Variants in PEAK1 observed in about 807,000 individuals in gnomAD.
The protein encoded by PEAK1 is pseudopodium enriched atypical kinase 1.
A neutral mutation model predicts 124.7 loss-of-function variants in PEAK1; 54 were observed. The observed-to-expected ratio is 0.43, with a 90% confidence interval of 0.35 to 0.54. The LOEUF (loss-of-function observed/expected upper bound fraction) is 0.54. Ranked by LOEUF, PEAK1 falls within the 20% of genes least tolerant of loss-of-function variation. PEAK1 has a pLI of 0.01. For synonymous variants in PEAK1, 719 were observed against 760.0 expected (o/e 0.95, Z 0.89); for missense variants, 2,046 against 2,134.5 (o/e 0.96, Z 0.82).
intron 2 of PEAK1, among the ~76,000 whole-genome samples, chr15:77,320,515 A>G (rs2065134870): frequency 1.3e-5 from 2 of 152,212 alleles, no homozygotes; most frequent in African/African-American, 4.8e-5. Context: ...AAAATAAAAT[A>G]GAATATCCAC....
intron 5 of PEAK1, among the ~76,000 whole-genome samples, chr15:77,263,981 T>C (rs533233557): frequency 1.7e-3 from 255 of 152,238 alleles, no homozygotes; most frequent in Middle Eastern, 0.014. Context: ...TAATCCAGCA[T>C]ATAAACAGAA....
At chr15:77,227,375 A>G (rs922568175) in intron 6 of PEAK1, among the ~76,000 whole-genome samples, 2 of 152,178 alleles carry the variant, frequency 1.3e-5, no homozygotes, top group South Asian at 2.1e-4. Flanking sequence ...TAGGAAGATC[A>G]AACAGGGGCT....
intron 6 of PEAK1, among the ~76,000 whole-genome samples, chr15:77,250,816 G>A (rs2060845012): frequency 6.6e-6 from 1 of 152,106 alleles, no homozygotes; most frequent in African/African-American, 2.4e-5. Flanking sequence ...TGATCCGCCT[G>A]CCTTGGCCTC....
chr15:77,275,652 G>T (rs1365129587), intron 5 of PEAK1, among the ~76,000 whole-genome samples: 1 of 151,826 alleles, frequency 6.6e-6, no homozygotes, highest in Non-Finnish European at 1.5e-5. Context: ...GGAGACGGAG[G>T]TTGCAGTCAG....
intron 7 of PEAK1, among the ~76,000 whole-genome samples, chr15:77,167,026 T>C (rs2056150294): frequency 6.6e-6 from 1 of 152,216 alleles, no homozygotes; most frequent in Non-Finnish European, 1.5e-5. Context: ...TCTGCATTTA[T>C]ATACTCCAGG....
chr15:77,111,559 A>T lies in PEAK1; in HGVS notation c.*2597T>A, dbSNP rs2050976821. On this transcript the variant is annotated 3_prime_UTR_variant, in exon 10 of 10. Coordinates refer to ENST00000682557, the MANE Select transcript of PEAK1 (RefSeq NM_001385026.1). Reference sequence around the variant, plus strand: ...GCTTTTCTCTGGCTAGTTTGCATTCATCTTTTGCCCTTAACAAATCTGAAT... The same window carrying T: ...GCTTTTCTCTGGCTAGTTTGCATTCTTCTTTTGCCCTTAACAAATCTGAAT... The T allele has an allele frequency of 6.6e-6, 1 of 152,214 alleles. No individual in the cohort carries two copies. The highest frequency in any genetic ancestry group is 1.5e-5 in the Non-Finnish European group (1 of 68,038). The allele number at this position is 152,214 out of a possible 1,614,324, so 9.4% of individuals were successfully genotyped here.
chr15:77,264,782 AGCCC>A (rs1355269274), intron 5 of PEAK1, among the ~76,000 whole-genome samples: 1 of 152,128 alleles, frequency 6.6e-6, no homozygotes, highest in Non-Finnish European at 1.5e-5. Context: ...ACCAAAAAAG[AGCCC>A]GCATCGCCAA....
intron 2 of PEAK1, among the ~76,000 whole-genome samples, chr15:77,314,073 CT>C (rs2064712168): frequency 6.6e-6 from 1 of 152,052 alleles, no homozygotes; most frequent in African/African-American, 2.4e-5. Flanking sequence ...CCTTTCAAAA[CT>C]TGTGTCACTG....
At chr15:77,258,936 G>A (rs887431208) in intron 5 of PEAK1, among the ~76,000 whole-genome samples, 3 of 151,138 alleles carry the variant, frequency 2.0e-5, no homozygotes, top group African/African-American at 7.4e-5. Flanking sequence ...TTAGCATGAA[G>A]GGTTGTTGAA....
intron 1 of PEAK1, among the ~76,000 whole-genome samples, chr15:77,413,773 T>C (rs1696680554): frequency 6.6e-6 from 1 of 150,758 alleles, no homozygotes; most frequent in South Asian, 2.1e-4. Context: ...ACCATGGTTA[T>C]GTAGGATGTT....
chr15:77,267,642 T>G (rs1485754402), intron 5 of PEAK1, among the ~76,000 whole-genome samples: 1 of 152,080 alleles, frequency 6.6e-6, no homozygotes. Flanking sequence ...TCTCAGAAAT[T>G]CCCATCCCTA....
intron 2 of PEAK1, among the ~76,000 whole-genome samples, chr15:77,287,858 A>G (rs2063007605): frequency 6.6e-6 from 1 of 152,196 alleles, no homozygotes; most frequent in South Asian, 2.1e-4. Flanking sequence ...TCTCAAGCTA[A>G]AAGTTGGGCA....
chr15:77,316,889 C>T (rs774595890), intron 2 of PEAK1, among the ~76,000 whole-genome samples: 4 of 151,992 alleles, frequency 2.6e-5, no homozygotes, highest in Admixed American at 6.6e-5. Context: ...ACCTGCCTGG[C>T]CGACATGGCA....
chr15:77,139,701 T>C (rs1036420708), intron 8 of PEAK1, among the ~76,000 whole-genome samples: 8 of 152,312 alleles, frequency 5.3e-5, no homozygotes, highest in Admixed American at 5.2e-4. Context: ...TACAGCAATA[T>C]ATATTGCAAA....
chr15:77,164,198 C>A (rs1042928298), intron 7 of PEAK1, among the ~76,000 whole-genome samples: 2 of 152,222 alleles, frequency 1.3e-5, no homozygotes, highest in Non-Finnish European at 2.9e-5. Flanking sequence ...CATTGACATT[C>A]TCAGATAGAG....
intron 7 of PEAK1, 136 bp from the exon 8 acceptor site, chr15:77,158,832 A>C: frequency 2.5e-6 from 2 of 789,632 alleles, no homozygotes; most frequent in Non-Finnish European, 4.0e-6. Context: ...AACACAAGGC[A>C]GTACTTCATT....
intron 2 of PEAK1, chr15:77,330,867 C>A (rs2065852051): frequency 5.1e-6 from 1 of 196,806 alleles, no homozygotes; most frequent in African/African-American, 2.4e-5. Context: ...ATGTAAGTTC[C>A]ATGAAGGCAA....
intron 8 of PEAK1, among the ~76,000 whole-genome samples, chr15:77,135,090 A>T (rs2053199329): frequency 6.6e-6 from 1 of 152,208 alleles, no homozygotes; most frequent in African/African-American, 2.4e-5. Flanking sequence ...GAGGGAACAC[A>T]GTCCTGCTGA....
chr15:77,126,422 A>G (rs924877804), intron 9 of PEAK1, among the ~76,000 whole-genome samples: 7 of 152,156 alleles, frequency 4.6e-5, no homozygotes, highest in African/African-American at 1.7e-4. Flanking sequence ...CATAATTTTA[A>G]GGAAAAACAA....
Sources: allele counts gnomAD v4.1 joint callset (sites outside exome capture counted in the v4.1 genomes callset), GRCh38; gene constraint gnomAD v4.1.1; transcripts MANE v1.5; gene names NCBI Gene and HGNC (gene_info 2026-07-23, HGNC 2026-07-21).